ZFYVE19: variants seen among roughly 807,000 people sequenced by gnomAD.
The protein encoded by ZFYVE19 is abscission/NoCut checkpoint regulator.
Under a neutral mutation model 62.8 loss-of-function variants are expected in ZFYVE19, and 49 were observed. The observed-to-expected ratio is 0.78, with a 90% confidence interval of 0.62 to 0.99. The LOEUF (loss-of-function observed/expected upper bound fraction) is 0.99. Ranked by LOEUF, ZFYVE19 falls within the 50% of genes least tolerant of loss-of-function variation. The probability of loss-of-function intolerance (pLI) is 0.00; values close to 1 mark genes in which losing one functional copy is unlikely to be tolerated. For synonymous variants in ZFYVE19, 242 were observed against 234.3 expected, an observed-to-expected ratio of 1.03 and a Z score of -0.30; for missense variants, 630 against 601.9, an observed-to-expected ratio of 1.05 and a Z score of -0.49.
In ZFYVE19 at chr15:40,807,854, C is replaced by G; in HGVS notation, c.265C>G (p.Leu89Val). Residue 89 changes from leucine (L) to valine (V), a missense_variant, in exon 1 of 11, where the codon CTC (leucine) becomes GTC (valine). Transcript: ENST00000355341. ...RCYGCAVKFT[L>V]FKKEYGCKNC... ...CTACGGCTGCGCTGTCAAGTTCACC[C>G]TCTTCAAGAAGGAGGCGAGTCTTCC... 1 of 1,535,698 alleles carries G rather than the reference C, an allele frequency of 6.5e-7. No individual in the cohort carries two copies. Among genetic ancestry groups the G allele is most frequent in the Non-Finnish European group, 8.7e-7 (1 of 1,149,014 alleles).
At chr15:40,808,227 C>T (rs750633289) in intron 1 of ZFYVE19, 7 of 1,595,628 alleles carry the variant, frequency 4.4e-6, no homozygotes, top group South Asian at 2.2e-5. Context: ...GTTACTCCCT[C>T]TGCTCTGAAA....
At chr15:40,808,449 T>C in intron 1 of ZFYVE19, 1 of 1,565,836 alleles carries the variant, frequency 6.4e-7, no homozygotes, top group Non-Finnish European at 8.6e-7. Context: ...AGTAAATTAG[T>C]GTCACGCAGG....
intron 1 of ZFYVE19, 40 bp downstream of exon 1, chr15:40,807,908 A>G: frequency 6.4e-7 from 1 of 1,552,666 alleles, no homozygotes; most frequent in Non-Finnish European, 8.6e-7. Context: ...GCCAGGGAGG[A>G]GAGGAGGGAA....
In ZFYVE19 at chr15:40,814,291, A is replaced by G. The variant is rs1427316437; in HGVS notation, c.*65A>G. On this transcript the variant is annotated 3_prime_UTR_variant, in exon 11 of 11. Coordinates refer to ENST00000355341, the MANE Select transcript of ZFYVE19 (RefSeq NM_001077268.2). ...GCGGCACCCATTTCTGGGCCCAGCCACAGGACGTCCGATGGGAGAGCTTGT... is the reference window on the plus strand; with the variant it reads ...GCGGCACCCATTTCTGGGCCCAGCCGCAGGACGTCCGATGGGAGAGCTTGT... 33 of 1,579,918 alleles carry G rather than the reference A, an allele frequency of 2.1e-5. No homozygotes were observed. The highest frequency in any genetic ancestry group is 2.8e-5 in the Non-Finnish European group (33 of 1,157,910).
chr15:40,807,501 G>A lies in ZFYVE19; in HGVS notation c.-89G>A. ...CTCCCAAGAGTCTAAGCGCGCGTGA[G>A]GACTGCAGGCTCCGAGCGGCGCCTA... On this transcript the variant is annotated 5_prime_UTR_variant, in exon 1 of 11. Transcript: ENST00000355341. The A allele has an allele frequency of 6.2e-7, 1 of 1,610,942 alleles. No homozygotes were observed. The highest frequency in any genetic ancestry group is 8.5e-7 in the Non-Finnish European group (1 of 1,177,606).
Position 40,810,503 on chromosome 15 carries a change from G to T in ZFYVE19, c.718-146G>T, listed in dbSNP as rs1218195951. The T allele has an allele frequency of 2.1e-6, 3 of 1,447,744 alleles. No homozygotes were observed. In the Admixed American group the frequency reaches 7.8e-5, roughly 38 times the overall value. The allele number at this position is 1,447,744 out of a possible 1,614,324, so 89.7% of individuals were successfully genotyped here. The stretch of plus-strand genomic sequence containing the variant: ...CAGGAAAAAGTGGCCCCTCAGTCCT[G>T]TTGGGGACGGCCAGACCTACTTGAT... On this transcript the variant is annotated intron_variant, in intron 5 of 10. Transcript: ENST00000355341.
At chr15:40,809,705 T>G (rs1596114214) in intron 3 of ZFYVE19, 147 bp from the exon 4 acceptor site, 1 of 969,776 alleles carries the variant, frequency 1.0e-6, no homozygotes. Flanking sequence ...GGCTGCAGGG[T>G]GACATGAGTG....
At position 40,807,659 on chromosome 15, in the gene ZFYVE19, T is replaced by C. The variant is rs1890293108; in HGVS notation, c.70T>C (p.Phe24Leu). ...PYAGCRRASGFPALGRGGTVP... is the reference protein window; with the variant it reads ...PYAGCRRASGLPALGRGGTVP... ...CGCTGGCTGCAGGAGAGCGTCCGGA[T>C]TCCCTGCTCTAGGTCGCGGCGGGAC... The change falls in exon 1 of 11, where the codon TTC becomes CTC. Residue 24 changes from phenylalanine to leucine, a missense_variant. Physicochemically the swap from Phe to Leu is conservative, Grantham distance 22. Transcript: ENST00000355341. 2 of 1,612,540 alleles carry C rather than the reference T, an allele frequency of 1.2e-6. No individual in the cohort carries two copies. Among genetic ancestry groups the C allele is most frequent in the Non-Finnish European group, 1.7e-6 (2 of 1,179,746 alleles).
chr15:40,812,557 A>AAAAAAAAG (rs1555385530), intron 6 of ZFYVE19, 142 bp from the exon 7 acceptor site: 1 of 456,488 alleles, frequency 2.2e-6, no homozygotes, highest in African/African-American at 2.5e-5. Flanking sequence ...AAAAAAAAAA[A>AAAAAAAAG]AAAGAAAGAA....
At chr15:40,811,091 C>T (rs149078178) in intron 6 of ZFYVE19, 84 of 313,136 alleles carry the variant, frequency 2.7e-4, no homozygotes, top group African/African-American at 1.7e-3. Context: ...GAGGAGTAAA[C>T]GAGATAATCC....
Position 40,810,773 on chromosome 15 carries a change from G to C in ZFYVE19, c.826+16G>C. On this transcript the variant is annotated intron_variant, in intron 6 of 10. Coordinates refer to ENST00000355341, the MANE Select transcript of ZFYVE19 (RefSeq NM_001077268.2). ...GGAGGCCCAGGTAACCCCTCCACTT[G>C]GCTCCCTAGGAATCTGCCCTACCTC... The C allele has an allele frequency of 6.4e-7, 1 of 1,552,792 alleles. No homozygotes were observed.
Position 40,810,238 on chromosome 15 carries a change from A to T in ZFYVE19, c.717+22A>T, listed in dbSNP as rs367817738. 20 of 1,612,988 alleles carry T rather than the reference A, an allele frequency of 1.2e-5. No homozygotes were observed. In the African/African-American group the frequency reaches 2.5e-4, roughly 20 times the overall value. ...GCCGGTGAGTGTTATGGCTTAGGAG[A>T]GAAGCGGGGGTGCTAGCGGGAGGAC... is the stretch of plus-strand genomic sequence containing the variant. On this transcript the variant is annotated intron_variant, in intron 5 of 10. Transcript: ENST00000355341.
chr15:40,810,938 C>T (rs565683298), intron 6 of ZFYVE19, 181 bp downstream of exon 6: 10 of 708,672 alleles, frequency 1.4e-5, no homozygotes, highest in Non-Finnish European at 1.8e-5. Flanking sequence ...TTTAAGTGCA[C>T]GGGCTTTAGA....
At chr15:40,810,045 C>A (rs1890429808) in intron 4 of ZFYVE19, 26 bp from the exon 5 acceptor site, 15 of 1,614,030 alleles carry the variant, frequency 9.3e-6, no homozygotes, top group Non-Finnish European at 1.3e-5. Context: ...CTGGCCCTTA[C>A]AAGGCTCCCC....
Position 40,810,685 on chromosome 15 carries a change from C to T in ZFYVE19, c.754C>T (p.Gln252Ter), listed in dbSNP as rs926367849. 1 of 1,577,276 alleles carries T rather than the reference C, an allele frequency of 6.3e-7. No homozygotes were observed. Among genetic ancestry groups the T allele is most frequent in the African/African-American group, 1.3e-5 (1 of 74,406 alleles). Residue 252 changes from glutamine to a stop codon, truncating the protein, a stop_gained, in exon 6 of 11, where the codon CAG (glutamine) becomes TAG (stop). Transcript: ENST00000355341. LOFTEE classifies it high-confidence loss of function. ...HTPDTRTQAQ[Q>*]TQDLLTQLAA... ...ACCGGACACCAGGACCCAAGCCCAG[C>T]AGACACAGGATCTGCTAACGCAGCT...
chr15:40,812,649 GGA>G, intron 6 of ZFYVE19, 48 bp from the exon 7 acceptor site: 1 of 1,476,134 alleles, frequency 6.8e-7, no homozygotes, highest in Non-Finnish European at 9.4e-7. Flanking sequence ...TGGCTTCTGA[GGA>G]GAGATACTGG....
Position 40,814,623 on chromosome 15 carries a change from G to A in ZFYVE19, c.*397G>A, listed in dbSNP as rs1233332206. The A allele has an allele frequency of 1.1e-5, 3 of 264,770 alleles. No homozygotes were observed. The highest frequency in any genetic ancestry group is 9.7e-5 in the Admixed American group (2 of 20,548). 16.4% of individuals were successfully genotyped at this position (264,770 alleles called of 1,614,324 possible). ...AGCCTGGGCCCTGTGAGAGGTGGCA[G>A]GAACAGAGCAGGCTGTAAGCACAGT... On this transcript the variant is annotated 3_prime_UTR_variant, in exon 11 of 11. Coordinates refer to ENST00000355341, the MANE Select transcript of ZFYVE19 (RefSeq NM_001077268.2).
chr15:40,808,018 T>A, intron 1 of ZFYVE19, 150 bp downstream of exon 1: 1 of 1,136,196 alleles, frequency 8.8e-7, no homozygotes, highest in Non-Finnish European at 1.3e-6. Flanking sequence ...TTCTGTAAAA[T>A]GGGGCTAACA....
At position 40,814,353 on chromosome 15, in the gene ZFYVE19, C is replaced by A; in HGVS notation, c.*127C>A. ...GATGATGGATAGGCCCCTTCCTGAGCCTTGGTGTCCCTGGAATGAGGAAAG... is the reference window on the plus strand; with the variant it reads ...GATGATGGATAGGCCCCTTCCTGAGACTTGGTGTCCCTGGAATGAGGAAAG... On this transcript the variant is annotated 3_prime_UTR_variant, in exon 11 of 11. Transcript: ENST00000355341. The A allele has an allele frequency of 2.9e-6, 3 of 1,026,462 alleles. No homozygotes were observed. The highest frequency in any genetic ancestry group is 2.9e-6 in the Non-Finnish European group (2 of 699,040). The allele number at this position is 1,026,462 out of a possible 1,614,324, so 63.6% of individuals were successfully genotyped here. A position where few individuals can be genotyped will look rare whatever the true frequency, so the allele number is the denominator to read the frequency against.
Sources: gnomAD v4.1 joint callset for allele counts on GRCh38, gnomAD v4.1.1 for gene constraint, MANE v1.5 for transcripts, NCBI Gene and HGNC (gene_info 2026-07-23, HGNC 2026-07-21) for gene names.